Variants in PLPPR1 observed in about 807,000 individuals in gnomAD.
PLPPR1 encodes phospholipid phosphatase-related protein type 1.
Under a neutral mutation model 33.1 loss-of-function variants are expected in PLPPR1, and 10 were observed. The observed-to-expected ratio is 0.30, with a 90% CI of 0.19 to 0.51. PLPPR1 has a LOEUF of 0.51. Among genes scored for constraint, PLPPR1 ranks in the 20% least tolerant of loss-of-function variants. The pLI is 0.97. For synonymous variants in PLPPR1, 151 were observed against 151.0 expected (o/e 1.00, Z 0.00); for missense variants, 304 against 408.1 (o/e 0.74, Z 2.20).
At chr9:101,288,566 T>TA (rs746688006) in intron 4 of PLPPR1, among the ~76,000 whole-genome samples, 8 of 148,270 alleles carry the variant, frequency 5.4e-5, no homozygotes, top group African/African-American at 2.0e-4. Flanking sequence ...AGTAAAAAAA[T>TA]AAAAAAATAA....
intron 7 of PLPPR1, among the ~76,000 whole-genome samples, chr9:101,318,253 A>C (rs1166215663): frequency 1.3e-5 from 2 of 152,056 alleles, no homozygotes; most frequent in African/African-American, 4.8e-5. Flanking sequence ...AGAGGTGCAC[A>C]AAGTGCTGTA....
intron 2 of PLPPR1, among the ~76,000 whole-genome samples, chr9:101,268,238 G>A (rs1386115049): frequency 6.8e-6 from 1 of 147,422 alleles, no homozygotes; most frequent in Non-Finnish European, 1.5e-5. Context: ...GTACCCTAAA[G>A]TAAAATAAAA....
intron 1 of PLPPR1, among the ~76,000 whole-genome samples, chr9:101,062,667 C>G (rs1269330625): frequency 6.6e-6 from 1 of 151,976 alleles, no homozygotes; most frequent in Non-Finnish European, 1.5e-5. Flanking sequence ...AGAGGAAAGG[C>G]AACTAAAATT....
At chr9:101,246,095 T>TAGATAGATAG (rs1409986436) in intron 2 of PLPPR1, among the ~76,000 whole-genome samples, 21 of 110,348 alleles carry the variant, frequency 1.9e-4, no homozygotes, top group African/African-American at 2.1e-4. Flanking sequence ...TATATATATA[T>TAGATAGATAG]ATATATATAT....
At chr9:101,236,537 C>CACAA (rs1491535385) in intron 2 of PLPPR1, among the ~76,000 whole-genome samples, 2 of 29,012 alleles carry the variant, frequency 6.9e-5, no homozygotes, top group African/African-American at 1.3e-3. Context: ...TCTCTAAACT[C>CACAA]ACACACACAC....
intron 1 of PLPPR1, among the ~76,000 whole-genome samples, chr9:101,132,501 G>C (rs916477467): frequency 6.6e-6 from 1 of 152,138 alleles, no homozygotes; most frequent in Non-Finnish European, 1.5e-5. Flanking sequence ...CCAGGAGTTG[G>C]GGATTGGGGA....
chr9:101,043,349 G>A (rs1830104516), intron 1 of PLPPR1, among the ~76,000 whole-genome samples: 1 of 150,634 alleles, frequency 6.6e-6, no homozygotes, highest in Non-Finnish European at 1.5e-5. Flanking sequence ...ACATATACAT[G>A]TGTATGTGTA....
At chr9:101,115,929 C>T (rs1431876088) in intron 1 of PLPPR1, among the ~76,000 whole-genome samples, 1 of 152,174 alleles carries the variant, frequency 6.6e-6, no homozygotes, top group East Asian at 1.9e-4. Flanking sequence ...TGCTAAGTTC[C>T]AAATAACTCT....
chr9:101,244,301 CTTTAT>C (rs1236028530), intron 2 of PLPPR1, among the ~76,000 whole-genome samples: 4 of 151,770 alleles, frequency 2.6e-5, no homozygotes, highest in African/African-American at 9.7e-5. Flanking sequence ...CAAAGCATGG[CTTTAT>C]TTTTTGTTTT....
intron 1 of PLPPR1, among the ~76,000 whole-genome samples, chr9:101,041,454 A>T (rs572331367): frequency 2.0e-5 from 3 of 152,346 alleles, no homozygotes; most frequent in East Asian, 3.9e-4. Flanking sequence ...TGAACTAAAA[A>T]TATTTAGGAC....
At chr9:101,085,998 C>A (rs1830670879) in intron 1 of PLPPR1, among the ~76,000 whole-genome samples, 1 of 152,056 alleles carries the variant, frequency 6.6e-6, no homozygotes, top group Non-Finnish European at 1.5e-5. Context: ...TTTGTAGATG[C>A]CTTTTATCAG....
At position 101,220,303 on chromosome 9, in the gene PLPPR1, C is replaced by T. The variant is rs191709353; in HGVS notation, c.63+34746C>T. Among the ~76,000 whole-genome samples the T allele has an allele frequency of 1.6e-3, 240 of 152,268 alleles. 1 individual carries two copies. The highest frequency in any genetic ancestry group is 4.0e-3 in the Admixed American group (61 of 15,298). On this transcript the variant is annotated intron_variant, in intron 2 of 7. Transcript: ENST00000374874. Reference sequence around the variant, plus strand: ...GTTAAAAATGTCATTTAATTGAGCACGGTGGTTTACATATATTAACTCATT... The same window carrying T: ...GTTAAAAATGTCATTTAATTGAGCATGGTGGTTTACATATATTAACTCATT...
At chr9:101,146,015 CAAAAGAAAA>C (rs1458274112) in intron 1 of PLPPR1, among the ~76,000 whole-genome samples, 1 of 151,840 alleles carries the variant, frequency 6.6e-6, no homozygotes, top group African/African-American at 2.4e-5. Context: ...CAGCCTGTCT[CAAAAGAAAA>C]AAAATATTCC....
At chr9:101,079,706 A>G (rs1041181299) in intron 1 of PLPPR1, among the ~76,000 whole-genome samples, 1 of 151,866 alleles carries the variant, frequency 6.6e-6, no homozygotes, top group Non-Finnish European at 1.5e-5. Flanking sequence ...CAGCCTCCTG[A>G]GTAGCTGGGA....
At chr9:101,280,887 C>T (rs1281633683) in intron 3 of PLPPR1, among the ~76,000 whole-genome samples, 1 of 152,028 alleles carries the variant, frequency 6.6e-6, no homozygotes, top group Admixed American at 6.6e-5. Flanking sequence ...ACTTTCACCA[C>T]TGTTATTCAA....
At chr9:101,175,049 C>A (rs768778644) in intron 1 of PLPPR1, among the ~76,000 whole-genome samples, 1 of 152,092 alleles carries the variant, frequency 6.6e-6, no homozygotes, top group Non-Finnish European at 1.5e-5. Flanking sequence ...ATACATTAGA[C>A]CTGGCATTGT....
At chr9:101,073,998 T>C (rs551706341) in intron 1 of PLPPR1, among the ~76,000 whole-genome samples, 1 of 152,268 alleles carries the variant, frequency 6.6e-6, no homozygotes, top group Non-Finnish European at 1.5e-5. Context: ...GGATATTCTA[T>C]ATAATTCCTG....
At chr9:101,087,108 G>A (rs1187409689) in intron 1 of PLPPR1, among the ~76,000 whole-genome samples, 1 of 151,928 alleles carries the variant, frequency 6.6e-6, no homozygotes, top group African/African-American at 2.4e-5. Flanking sequence ...GATCCAGGAG[G>A]TAGAGGTTGC....
intron 1 of PLPPR1, among the ~76,000 whole-genome samples, chr9:101,172,970 A>AATCCTACT (rs1159382537): frequency 6.6e-6 from 1 of 152,054 alleles, no homozygotes; most frequent in Admixed American, 6.6e-5. Flanking sequence ...TCAGGCATGA[A>AATCCTACT]ATCCTACTTA....
Sources: allele counts gnomAD v4.1 joint callset (sites outside exome capture counted in the v4.1 genomes callset), GRCh38; gene constraint gnomAD v4.1.1; transcripts MANE v1.5; gene names NCBI Gene and HGNC (gene_info 2026-07-23, HGNC 2026-07-21).